Variants in PPP1R21 observed in about 807,000 individuals in gnomAD.
PPP1R21 encodes the protein protein phosphatase 1 regulatory subunit 21, also known as KLRAQ motif containing 1.
In PPP1R21, 85 loss-of-function variants were observed where a neutral mutation model predicts 112.8. The observed-to-expected ratio is 0.75, with a 90% CI of 0.63 to 0.90. The LOEUF (loss-of-function observed/expected upper bound fraction) is 0.90. Ranked by LOEUF, PPP1R21 falls within the 40% of genes least tolerant of loss-of-function variation. PPP1R21 has a pLI of 0.00. For missense variants in PPP1R21, 1,199 were observed against 901.5 expected (o/e 1.33, Z -4.23); for synonymous variants, 381 against 322.3 (o/e 1.18, Z -1.95).
rs141918298 is a variant in PPP1R21, at chr2:48,514,668, T to A, written c.2314-47T>A. ...TTGGTTTATAAACTATGTGAGTTAT[T>A]TTTTTTTATGTTTATGTTCTTATTG... On this transcript the variant is annotated intron_variant, in intron 21 of 21. Transcript: ENST00000294952. The A allele has an allele frequency of 5.4e-5, 75 of 1,382,150 alleles. No homozygotes were observed. The African/African-American group carries it at 9.8e-4, about 18-fold the overall frequency. 85.6% of individuals were successfully genotyped at this position (1,382,150 alleles called of 1,614,324 possible).
chr2:48,441,236 G>T (rs886374444), intron 1 of PPP1R21: 2 of 585,566 alleles, frequency 3.4e-6, no homozygotes, highest in African/African-American at 3.9e-5. Flanking sequence ...GGAGAAGCTG[G>T]AGTTTGATTC....
chr2:48,454,241 A>G (rs377463343), intron 2 of PPP1R21, among the ~76,000 whole-genome samples: 15 of 152,128 alleles, frequency 9.9e-5, no homozygotes, highest in Admixed American at 2.6e-4. Flanking sequence ...AGCCTGGGCA[A>G]TAGAGCGAGA....
chr2:48,452,931 C>G (rs1169742986), intron 2 of PPP1R21, among the ~76,000 whole-genome samples: 2 of 151,040 alleles, frequency 1.3e-5, no homozygotes, highest in Non-Finnish European at 2.9e-5. Context: ...AGACACTAGC[C>G]TATGGCTTTT....
At chr2:48,510,225 A>G (rs1040425767) in intron 20 of PPP1R21, 112 bp downstream of exon 20, 1 of 646,882 alleles carries the variant, frequency 1.5e-6, no homozygotes, top group Non-Finnish European at 2.6e-6. Context: ...GCTTTTTAAG[A>G]TAACCACTGT....
At chr2:48,510,207 C>G in intron 20 of PPP1R21, 94 bp downstream of exon 20, 1 of 798,024 alleles carries the variant, frequency 1.3e-6, no homozygotes, top group Non-Finnish European at 1.9e-6. Context: ...CATTTGATCT[C>G]TAGATATGCT....
intron 6 of PPP1R21, 62 bp from the exon 7 acceptor site, chr2:48,461,076 T>G: frequency 6.5e-7 from 1 of 1,529,980 alleles, no homozygotes; most frequent in Non-Finnish European, 8.7e-7. Flanking sequence ...AGGTAACAAA[T>G]AAATGAGGAT....
At chr2:48,465,409 G>T in intron 8 of PPP1R21, 84 bp from the exon 9 acceptor site, 1 of 1,251,552 alleles carries the variant, frequency 8.0e-7, no homozygotes, top group Non-Finnish European at 1.1e-6. Context: ...GGATTCAAAT[G>T]TTTTCTCCAG....
intron 7 of PPP1R21, among the ~76,000 whole-genome samples, chr2:48,463,893 C>T (rs1171368759): frequency 6.6e-6 from 1 of 151,654 alleles, no homozygotes; most frequent in Non-Finnish European, 1.5e-5. Context: ...AGGGAGAGGC[C>T]ATCCTATCCA....
intron 1 of PPP1R21, among the ~76,000 whole-genome samples, chr2:48,442,734 G>A (rs1667089048): frequency 6.6e-6 from 1 of 152,194 alleles, no homozygotes; most frequent in Non-Finnish European, 1.5e-5. Context: ...AAAGGGAACA[G>A]TCCATGTTTG....
chr2:48,498,413 A>G, intron 16 of PPP1R21, 80 bp from the exon 17 acceptor site: 1 of 1,469,058 alleles, frequency 6.8e-7, no homozygotes, highest in Admixed American at 1.8e-5. Flanking sequence ...GTTTTGGTTT[A>G]CATTCTGTAA....
At chr2:48,466,861 A>G (rs1256067750) in intron 9 of PPP1R21, among the ~76,000 whole-genome samples, 3 of 152,148 alleles carry the variant, frequency 2.0e-5, no homozygotes, top group African/African-American at 7.2e-5. Flanking sequence ...AGGTATGGAA[A>G]GGAAGGTTGA....
chr2:48,454,424 T>C, intron 2 of PPP1R21, 171 bp from the exon 3 acceptor site: 1 of 705,938 alleles, frequency 1.4e-6, no homozygotes, highest in Non-Finnish European at 2.3e-6. Context: ...CAAAAGATTA[T>C]CTTTTCACAA....
At chr2:48,507,233 T>C in intron 18 of PPP1R21, 36 bp from the exon 19 acceptor site, 1 of 1,414,012 alleles carries the variant, frequency 7.1e-7, no homozygotes, top group Non-Finnish European at 9.3e-7. Context: ...ATCTCACTGG[T>C]ACTTGTTTAT....
rs1319893998 is a variant in PPP1R21, at chr2:48,465,520, G to A, written c.775G>A (p.Ala259Thr). 5 of 1,613,322 alleles carry A rather than the reference G, an allele frequency of 3.1e-6. No homozygotes were observed. In the African/African-American group the frequency reaches 4.0e-5, roughly 13 times the overall value. ...QLKMRDIAGQ[A>T]LAFVQDLVTA... The stretch of plus-strand genomic sequence containing the variant: ...GAAGATGCGAGATATTGCTGGGCAG[G>A]CCCTGGCTTTTGTTCAGGATCTTGT... The change falls in exon 9 of 22, where the codon GCC (alanine) becomes ACC (threonine). Residue 259 changes from alanine to threonine, a missense_variant. Coordinates refer to ENST00000294952, the MANE Select transcript of PPP1R21 (RefSeq NM_001135629.3).
chr2:48,510,111 C>G lies in PPP1R21; in HGVS notation c.2182C>G (p.Gln728Glu), dbSNP rs371901676. The G allele has an allele frequency of 7.4e-6, 12 of 1,611,638 alleles. No homozygotes were observed. The highest frequency in any genetic ancestry group is 9.3e-6 in the Non-Finnish European group (11 of 1,178,122). The change falls in exon 20 of 22, where the codon CAG becomes GAG. Residue 728 changes from glutamine to glutamate, a missense_variant and splice_region_variant. Coordinates refer to ENST00000294952, the MANE Select transcript of PPP1R21 (RefSeq NM_001135629.3). ...TGCCAGTCAGAACATCAGCAGACTT[C>G]AGGTGAGTTAAGTGTTACCTGAATG... ...KLASQNISRL[Q>E]DELTTTKRSY...
In PPP1R21 at chr2:48,495,588, A is replaced by C. The variant is rs555984140; in HGVS notation, c.1600-91A>C. 135 of 708,052 alleles carry C rather than the reference A, an allele frequency of 1.9e-4. No individual in the cohort carries two copies. The South Asian group carries it at 2.2e-3, about 11-fold the overall frequency. 43.9% of individuals were successfully genotyped at this position (708,052 alleles called of 1,614,324 possible). On this transcript the variant is annotated intron_variant, in intron 15 of 21. Transcript: ENST00000294952. The stretch of plus-strand genomic sequence containing the variant: ...TTGACATACATCTGAATTTATTGTC[A>C]CACCTCGTTTAGCATTCTTTGTGTA...
chr2:48,448,084 C>G (rs758680274), intron 1 of PPP1R21, among the ~76,000 whole-genome samples: 54 of 152,132 alleles, frequency 3.5e-4, no homozygotes, highest in Admixed American at 2.0e-4. Flanking sequence ...AGAAAAACAT[C>G]AAATGTTGCA....
intron 15 of PPP1R21, among the ~76,000 whole-genome samples, chr2:48,492,372 C>T (rs964888945): frequency 6.6e-6 from 1 of 151,888 alleles, no homozygotes; most frequent in Admixed American, 6.6e-5. Context: ...TTCCCAAATG[C>T]ATGTTTCATT....
Position 48,471,135 on chromosome 2 carries a change from G to C in PPP1R21, c.946G>C (p.Glu316Gln), listed in dbSNP as rs766912073. ...ENASYVRPLE[E>Q]GMLHLFESIT... is the part of the protein sequence containing the mutation. ...TGCGTCCTATGTCCGCCCTCTTGAG[G>C]AAGGAATGCTTCATTTATTTGAAAG... The change falls in exon 10 of 22, where the codon GAA becomes CAA. Residue 316 changes from glutamate (E) to glutamine (Q), a missense_variant. Transcript: ENST00000294952. 3 of 1,613,144 alleles carry C rather than the reference G, an allele frequency of 1.9e-6. No individual in the cohort carries two copies. The Admixed American group carries it at 5.0e-5, about 27-fold the overall frequency.
Sources: allele counts gnomAD v4.1 joint callset (sites outside exome capture counted in the v4.1 genomes callset), GRCh38; gene constraint gnomAD v4.1.1; transcripts MANE v1.5; gene names NCBI Gene and HGNC (gene_info 2026-07-23, HGNC 2026-07-21).